The following CFAP251 variants were observed in gnomAD, a reference collection of about 807,000 sequenced individuals.
The protein encoded by CFAP251 is cilia- and flagella-associated protein 251.
A neutral mutation model predicts 126.7 loss-of-function variants in CFAP251; 93 were observed. The observed-to-expected ratio is 0.73, with a 90% CI of 0.62 to 0.87. The LOEUF (loss-of-function observed/expected upper bound fraction) is 0.87, where lower values mean the gene tolerates loss of function less well. CFAP251 is among the 40% of genes least tolerant of loss of function. CFAP251 has a pLI of 0.00. For synonymous variants in CFAP251, 503 were observed against 506.9 expected (o/e 0.99, Z 0.10); for missense variants, 1,287 against 1,389.2 (o/e 0.93, Z 1.17).
chr12:121,937,151 A>T (rs1382911474), intron 5 of CFAP251, among the ~76,000 whole-genome samples: 1 of 152,218 alleles, frequency 6.6e-6, no homozygotes, highest in Non-Finnish European at 1.5e-5. Flanking sequence ...GAAGTCTGAA[A>T]CCAAGGTGTC....
At chr12:121,939,399 G>A (rs1380647152) in intron 5 of CFAP251, among the ~76,000 whole-genome samples, 1 of 151,966 alleles carries the variant, frequency 6.6e-6, no homozygotes, top group African/African-American at 2.4e-5. Context: ...ACAAGGGAAG[G>A]GTATTATCTC....
Position 121,960,761 on chromosome 12 carries a change from G to A in CFAP251, c.2307+3G>A, listed in dbSNP as rs1170244822. On this transcript the variant is annotated splice_donor_region_variant and intron_variant, in intron 14 of 21. Coordinates refer to ENST00000288912, the MANE Select transcript of CFAP251 (RefSeq NM_144668.6). Reference sequence around the variant, plus strand: ...GCCTTGGGACAGACAGGCTCTTGGTGAGCTGTTTAGTTTTCGTTGACCTGG... The same window carrying A: ...GCCTTGGGACAGACAGGCTCTTGGTAAGCTGTTTAGTTTTCGTTGACCTGG... 1 of 1,612,610 alleles carries A rather than the reference G, an allele frequency of 6.2e-7. No homozygotes were observed. The highest frequency in any genetic ancestry group is 8.5e-7 in the Non-Finnish European group (1 of 1,179,698).
At chr12:121,973,856 G>C (rs1882394096) in intron 17 of CFAP251, among the ~76,000 whole-genome samples, 1 of 152,184 alleles carries the variant, frequency 6.6e-6, no homozygotes, top group African/African-American at 2.4e-5. Context: ...AGGCAGAAGG[G>C]ACTTGCCTGT....
At chr12:121,962,649 G>A (rs1287431821) in intron 15 of CFAP251, among the ~76,000 whole-genome samples, 2 of 151,104 alleles carry the variant, frequency 1.3e-5, no homozygotes, top group African/African-American at 4.9e-5. Flanking sequence ...GCAATGGCGT[G>A]AACAAGTAGC....
At chr12:121,980,200 G>C (rs1882585489) in intron 19 of CFAP251, among the ~76,000 whole-genome samples, 2 of 152,186 alleles carry the variant, frequency 1.3e-5, no homozygotes, top group Admixed American at 1.3e-4. Context: ...TTGGAGTGTG[G>C]GGTGGGCTCA....
chr12:121,975,465 A>G, intron 18 of CFAP251, 77 bp from the exon 19 acceptor site: 1 of 1,591,942 alleles, frequency 6.3e-7, no homozygotes. Flanking sequence ...CTTTCTAGAA[A>G]ATGTCCTTGA....
At chr12:121,955,523 T>C (rs547693656) in intron 10 of CFAP251, among the ~76,000 whole-genome samples, 3 of 152,266 alleles carry the variant, frequency 2.0e-5, no homozygotes, top group Non-Finnish European at 2.9e-5. Context: ...TGGATGCACA[T>C]GCTTGGTGCA....
chr12:121,951,401 T>C (rs1459842029), intron 8 of CFAP251, 79 bp from the exon 9 acceptor site: 1 of 998,144 alleles, frequency 1.0e-6, no homozygotes, highest in African/African-American at 1.6e-5. Context: ...GATGTATTTG[T>C]TTTGCTTTTA....
In CFAP251 at chr12:121,957,244, TA is replaced by T. The variant is rs773565367; in HGVS notation, c.1710del (p.Gly571ValfsTer6). On this transcript the variant is annotated frameshift_variant, in exon 11 of 22. Transcript: ENST00000288912. LOFTEE classifies it high-confidence loss of function. ...EKSNYPPDCT[L>X]KGDLFVLRNF... Reference sequence around the variant, plus strand: ...TCAAACTATCCTCCTGACTGCACTTTAAAAGGTGACCTTTTTGTCTTAAGGT... The same window carrying T: ...TCAAACTATCCTCCTGACTGCACTTTAAAGGTGACCTTTTTGTCTTAAGGT... 6.2e-7 allele frequency: 1 copy of T among 1,610,852 alleles called. No homozygotes were observed.
rs187055945 is a variant in CFAP251, at chr12:121,955,529, G to A, written c.1535+1195G>A. Among the ~76,000 whole-genome samples, 470 of 152,210 alleles carry A rather than the reference G, an allele frequency of 3.1e-3. 1 individual carries two copies. The highest frequency in any genetic ancestry group is 6.8e-3 in the Middle Eastern group (2 of 294). ...CACGAGATATGGATGCACATGCTTG[G>A]TGCAGGGGAACCCTAGGTAAATGGT... On this transcript the variant is annotated intron_variant, in intron 10 of 21. Transcript: ENST00000288912.
In CFAP251 at chr12:121,975,555, ACTT is replaced by A; in HGVS notation, c.2879_2881del (p.Phe960del). 6 of 1,608,788 alleles carry A rather than the reference ACTT, an allele frequency of 3.7e-6. No individual in the cohort carries two copies. The highest frequency in any genetic ancestry group is 5.1e-6 in the Non-Finnish European group (6 of 1,178,706). On this transcript the variant is annotated inframe_deletion, in exon 19 of 22. Transcript: ENST00000288912. ...ATTCCTACATAGGAGCTAGAAGACT[ACTT>A]CTACTATTCTCAGCTCCGCAGTCAA...
chr12:121,941,889 C>G (rs941883621), intron 5 of CFAP251, among the ~76,000 whole-genome samples: 10 of 152,152 alleles, frequency 6.6e-5, no homozygotes, highest in African/African-American at 2.2e-4. Flanking sequence ...AGTGCTGCTC[C>G]TTTGCATTCC....
At chr12:121,925,779 G>A (rs183120391) in intron 3 of CFAP251, among the ~76,000 whole-genome samples, 12 of 152,300 alleles carry the variant, frequency 7.9e-5, no homozygotes, top group Admixed American at 4.6e-4. Flanking sequence ...GTCTCACTGC[G>A]GAACCAAAAC....
rs1019090843 is a variant in CFAP251, at chr12:121,923,932, C to G, written c.689C>G (p.Ser230Cys). ...KAGISRESLV[S>C]STTEDILFQK... ...GGGATCTCCCGGGAGTCACTGGTGT[C>G]CAGCACCACAGAGGACATTCTGTTT... Residue 230 changes from serine (S) to cysteine (C), a missense_variant, in exon 3 of 22, where the codon TCC becomes TGC. Coordinates refer to ENST00000288912, the MANE Select transcript of CFAP251 (RefSeq NM_144668.6). 6.2e-7 allele frequency: 1 copy of G among 1,614,036 alleles called. No individual in the cohort carries two copies. Among genetic ancestry groups the G allele is most frequent in the Non-Finnish European group, 8.5e-7 (1 of 1,180,016 alleles).
intron 19 of CFAP251, among the ~76,000 whole-genome samples, chr12:121,991,317 A>C (rs1882869739): frequency 6.6e-6 from 1 of 152,248 alleles, no homozygotes; most frequent in African/African-American, 2.4e-5. Flanking sequence ...AGCCCAAAGA[A>C]TTAGAGCGTG....
intron 19 of CFAP251, chr12:121,992,463 AG>A: frequency 1.0e-6 from 1 of 985,400 alleles, no homozygotes; most frequent in Non-Finnish European, 1.2e-6. Flanking sequence ...TCTGGGTATG[AG>A]TAACTCAGGC....
intron 5 of CFAP251, among the ~76,000 whole-genome samples, chr12:121,939,414 A>G (rs1053231004): frequency 6.6e-6 from 1 of 152,168 alleles, no homozygotes; most frequent in East Asian, 1.9e-4. Context: ...TATCTCATGC[A>G]GTAGAAGCCT....
intron 15 of CFAP251, among the ~76,000 whole-genome samples, chr12:121,963,630 G>A (rs1048488530): frequency 6.7e-6 from 1 of 149,288 alleles, no homozygotes; most frequent in African/African-American, 2.5e-5. Context: ...GCACATGCAC[G>A]TGGGCCCCTG....
chr12:121,961,861 C>A (rs967598149), intron 14 of CFAP251, 117 bp from the exon 15 acceptor site: 6 of 1,071,236 alleles, frequency 5.6e-6, no homozygotes, highest in Non-Finnish European at 8.1e-6. Context: ...CCGTCTCCCC[C>A]AGAACAGCAC....
Sources: allele counts gnomAD v4.1 joint callset (sites outside exome capture counted in the v4.1 genomes callset), GRCh38; gene constraint gnomAD v4.1.1; transcripts MANE v1.5; gene names NCBI Gene and HGNC (gene_info 2026-07-23, HGNC 2026-07-21).